The following ZNF791 variants were observed in gnomAD, a reference collection of about 807,000 sequenced individuals.
The protein encoded by ZNF791 is zinc finger protein 791.
ZNF791 carries 4 observed loss-of-function variants against 11.5 expected under a neutral mutation model. The observed-to-expected ratio is 0.35, with a 90% CI of 0.17 to 0.80. ZNF791 has a LOEUF of 0.80. Ranked by LOEUF, ZNF791 falls within the 30% of genes least tolerant of loss-of-function variation. The probability of loss-of-function intolerance (pLI) is 0.53; values close to 1 mark genes in which losing one functional copy is unlikely to be tolerated. For synonymous variants in ZNF791, 212 were observed against 228.1 expected, an observed-to-expected ratio of 0.93 and a Z score of 0.64; for missense variants, 559 against 699.4, an observed-to-expected ratio of 0.80 and a Z score of 2.26.
intron 1 of ZNF791, among the ~76,000 whole-genome samples, chr19:12,613,889 A>C (rs1388630845): frequency 6.6e-6 from 1 of 152,086 alleles, no homozygotes; most frequent in Non-Finnish European, 1.5e-5. Flanking sequence ...CTGAGGTTTT[A>C]ATTGTGGTTT....
chr19:12,623,283 G>C (rs1037733762), intron 1 of ZNF791: 2 of 175,794 alleles, frequency 1.1e-5, no homozygotes. Flanking sequence ...GTGTGTTCCT[G>C]TAGTCCCAGC....
chr19:12,611,009 C>T lies in ZNF791; in HGVS notation c.-71C>T, dbSNP rs13345992. On this transcript the variant is annotated 5_prime_UTR_variant, in exon 1 of 4. Coordinates refer to ENST00000343325, the MANE Select transcript of ZNF791 (RefSeq NM_153358.3). ...GCGTCAGGTTGCTGTACCCCTGCAT[C>T]GGATGCGCTGTACCCTGCGCTGGCT... The T allele has an allele frequency of 1.9e-6, 3 of 1,609,494 alleles. No homozygotes were observed. The highest frequency in any genetic ancestry group is 2.6e-6 in the Non-Finnish European group (3 of 1,176,262).
chr19:12,613,470 A>G (rs1316258351), intron 1 of ZNF791, among the ~76,000 whole-genome samples: 1 of 151,988 alleles, frequency 6.6e-6, no homozygotes, highest in East Asian at 2.0e-4. Context: ...AGTCCCAGCT[A>G]CTCTGGAGGC....
intron 1 of ZNF791, among the ~76,000 whole-genome samples, chr19:12,622,286 C>T (rs2023362254): frequency 7.0e-6 from 1 of 143,590 alleles, no homozygotes. Context: ...CTGACCTTCC[C>T]TCCACTATTG....
At position 12,632,637 on chromosome 19, in the gene ZNF791, C is replaced by G. The variant is rs2023513665; in HGVS notation, c.*3377C>G. Reference sequence around the variant, plus strand: ...TCTCTACTAAAAATACAAAAATTAGCTGGGCATGTTGGAGGGCACCTGTAA... The same window carrying G: ...TCTCTACTAAAAATACAAAAATTAGGTGGGCATGTTGGAGGGCACCTGTAA... On this transcript the variant is annotated 3_prime_UTR_variant, in exon 4 of 4. Coordinates refer to ENST00000343325, the MANE Select transcript of ZNF791 (RefSeq NM_153358.3). The G allele has an allele frequency of 6.6e-6, 1 of 151,966 alleles. No homozygotes were observed. The allele number at this position is 151,966 out of a possible 1,614,324, so 9.4% of individuals were successfully genotyped here.
In ZNF791 at chr19:12,632,360, C is replaced by T. The variant is rs996670959; in HGVS notation, c.*3100C>T. ...ATTTGTGTATAGTTTTTCAGTTGTT[C>T]TCTGAATAAAGAGATTGTTGAATAC... On this transcript the variant is annotated 3_prime_UTR_variant, in exon 4 of 4. Coordinates refer to ENST00000343325, the MANE Select transcript of ZNF791 (RefSeq NM_153358.3). The T allele has an allele frequency of 2.0e-5, 3 of 151,678 alleles. No individual in the cohort carries two copies. Among genetic ancestry groups the T allele is most frequent in the Non-Finnish European group, 4.4e-5 (3 of 67,964 alleles). The allele number at this position is 151,678 out of a possible 1,614,324, so 9.4% of individuals were successfully genotyped here.
rs143011430 is a variant in ZNF791, at chr19:12,614,098, C to T, written c.3+3016C>T. Among the ~76,000 whole-genome samples the T allele has an allele frequency of 3.7e-3, 564 of 152,176 alleles. 9 individuals are homozygous for T. The highest frequency in any genetic ancestry group is 0.013 in the African/African-American group (520 of 41,516). ...TTGAGAGTTTCCTCACTTGGGAAAACGGAAACCTAGGGAAGCTAATGTTTC... is the reference window on the plus strand; with the variant it reads ...TTGAGAGTTTCCTCACTTGGGAAAATGGAAACCTAGGGAAGCTAATGTTTC... On this transcript the variant is annotated intron_variant, in intron 1 of 3. Transcript: ENST00000343325.
intron 1 of ZNF791, among the ~76,000 whole-genome samples, chr19:12,619,854 G>GT (rs66853581): frequency 0.012 from 1,750 of 149,968 alleles, 22 homozygotes; most frequent in Non-Finnish European, 0.013. Flanking sequence ...TTTTTTTTCT[G>GT]TTTTTTTTTC....
In ZNF791 at chr19:12,623,680, A is replaced by C. The variant is rs1241010514; in HGVS notation, c.4-20A>C. 1 of 1,613,584 alleles carries C rather than the reference A, an allele frequency of 6.2e-7. No individual in the cohort carries two copies. Among genetic ancestry groups the C allele is most frequent in the African/African-American group, 1.3e-5 (1 of 74,860 alleles). Reference sequence around the variant, plus strand: ...TCCTTGTCAATCTCACCTATTCTCTACTTATATTGGATGTTTCAGGACTCA... The same window carrying C: ...TCCTTGTCAATCTCACCTATTCTCTCCTTATATTGGATGTTTCAGGACTCA... On this transcript the variant is annotated intron_variant, in intron 1 of 3. Coordinates refer to ENST00000343325, the MANE Select transcript of ZNF791 (RefSeq NM_153358.3).
intron 1 of ZNF791, among the ~76,000 whole-genome samples, chr19:12,611,700 C>T (rs1214329876): frequency 1.3e-5 from 2 of 152,106 alleles, no homozygotes; most frequent in Non-Finnish European, 2.9e-5. Flanking sequence ...AAAAATTATT[C>T]ACTTGGAACT....
chr19:12,627,940 T>C lies in ZNF791; in HGVS notation c.411T>C (p.Cys137=). 2 of 1,614,166 alleles carry C rather than the reference T, an allele frequency of 1.2e-6. No individual in the cohort carries two copies. Among genetic ancestry groups the C allele is most frequent in the Non-Finnish European group, 1.7e-6 (2 of 1,180,012 alleles). The part of the protein sequence containing the change: ...LFEKPYKCKE[C]EKAFSYLKSF... ...AGAAGCCATATAAATGTAAGGAGTG[T>C]GAGAAAGCCTTTAGTTATCTCAAAT... Residue 137 remains cysteine, a synonymous_variant, in exon 4 of 4, where the codon TGT becomes TGC. Coordinates refer to ENST00000343325, the MANE Select transcript of ZNF791 (RefSeq NM_153358.3).
At chr19:12,627,582 C>T (rs778190388) in intron 3 of ZNF791, 139 bp from the exon 4 acceptor site, 31 of 711,170 alleles carry the variant, frequency 4.4e-5, no homozygotes, top group South Asian at 1.9e-4. Context: ...GCTGAGATCG[C>T]ACCATTGCAC....
intron 3 of ZNF791, among the ~76,000 whole-genome samples, chr19:12,626,177 C>T (rs146583214): frequency 0.014 from 2,065 of 152,248 alleles, 41 homozygotes; most frequent in African/African-American, 0.048. Context: ...TCACCATGCC[C>T]GGCTAATTTT....
chr19:12,619,919 T>A (rs1453804255), intron 1 of ZNF791, among the ~76,000 whole-genome samples: 4 of 151,166 alleles, frequency 2.6e-5, no homozygotes, highest in African/African-American at 7.3e-5. Context: ...TTATTTATTT[T>A]TATTTTATTT....
intron 1 of ZNF791, among the ~76,000 whole-genome samples, chr19:12,617,345 C>A (rs145773218): frequency 0.017 from 2,539 of 152,044 alleles, 22 homozygotes; most frequent in Non-Finnish European, 0.025. Context: ...AGGCTGGTCT[C>A]GAACTCCTGA....
intron 1 of ZNF791, chr19:12,612,437 T>TATTA (rs1267227326): frequency 6.8e-6 from 1 of 146,164 alleles, no homozygotes; most frequent in Non-Finnish European, 1.5e-5. Context: ...TTTATTTATT[T>TATTA]ATTATTTATT....
intron 1 of ZNF791, 132 bp downstream of exon 1, chr19:12,611,214 G>A: frequency 8.2e-7 from 1 of 1,218,222 alleles, no homozygotes; most frequent in Non-Finnish European, 1.1e-6. Context: ...CCGTCCCTGC[G>A]CGGCGACTGC....
chr19:12,616,908 A>G (rs1295982775), intron 1 of ZNF791, among the ~76,000 whole-genome samples: 2 of 152,146 alleles, frequency 1.3e-5, no homozygotes, highest in African/African-American at 4.8e-5. Flanking sequence ...CTAAAAATTC[A>G]TCACCAAAGC....
intron 1 of ZNF791, 89 bp from the exon 2 acceptor site, chr19:12,623,611 A>G: frequency 6.3e-7 from 1 of 1,576,418 alleles, no homozygotes; most frequent in Non-Finnish European, 8.7e-7. Flanking sequence ...TTTGGAGACC[A>G]CAAAATCGTG....
Sources: gnomAD v4.1 joint callset for allele counts (sites outside exome capture counted in the v4.1 genomes callset) on GRCh38, gnomAD v4.1.1 for gene constraint, MANE v1.5 for transcripts, NCBI Gene and HGNC (gene_info 2026-07-23, HGNC 2026-07-21) for gene names.